STK32C: variants seen among roughly 807,000 people sequenced by gnomAD.
STK32C encodes the protein serine/threonine kinase 32C, also known as serine/threonine-protein kinase 32C.
A neutral mutation model predicts 56.5 loss-of-function variants in STK32C; 31 were observed. The observed-to-expected ratio is 0.55, with a 90% CI of 0.41 to 0.74. The LOEUF (loss-of-function observed/expected upper bound fraction) is 0.74. Ranked by LOEUF, STK32C falls within the 30% of genes least tolerant of loss-of-function variation. The probability of loss-of-function intolerance (pLI) is 0.00; values close to 1 mark genes in which losing one functional copy is unlikely to be tolerated. For synonymous variants in STK32C, 309 were observed against 289.4 expected (o/e 1.07, Z -0.69); for missense variants, 544 against 676.9 (o/e 0.80, Z 2.18).
At chr10:132,246,067 T>A in intron 1 of STK32C, 112 bp from the exon 2 acceptor site, 1 of 1,081,132 alleles carries the variant, frequency 9.2e-7, no homozygotes, top group Non-Finnish European at 1.4e-6. Context: ...CCCCTCATCC[T>A]AGAAGAGGGT....
chr10:132,257,365 G>C (rs1350577913), intron 1 of STK32C, among the ~76,000 whole-genome samples: 2 of 134,800 alleles, frequency 1.5e-5, no homozygotes, highest in African/African-American at 2.6e-5. Context: ...GGGAGACGGA[G>C]GGGCTCCTAG....
intron 1 of STK32C, among the ~76,000 whole-genome samples, chr10:132,266,133 T>C (rs923268029): frequency 5.9e-5 from 9 of 152,232 alleles, no homozygotes; most frequent in Admixed American, 5.9e-4. Context: ...TACGATGGAA[T>C]ACCACTAGGG....
chr10:132,217,153 GCAGAGC>G (rs2062498723), intron 10 of STK32C, among the ~76,000 whole-genome samples: 1 of 152,258 alleles, frequency 6.6e-6, no homozygotes, highest in African/African-American at 2.4e-5. Context: ...GCTGTACTCT[GCAGAGC>G]CACAAGGGCA....
intron 2 of STK32C, among the ~76,000 whole-genome samples, chr10:132,235,997 T>C (rs2063277429): frequency 1.3e-5 from 2 of 152,210 alleles, no homozygotes; most frequent in Non-Finnish European, 2.9e-5. Flanking sequence ...GCGAAGGTTG[T>C]GGCTGTAACA....
intron 1 of STK32C, chr10:132,331,415 A>T: frequency 6.3e-7 from 1 of 1,590,586 alleles, no homozygotes; most frequent in Non-Finnish European, 8.6e-7. Flanking sequence ...AATTCTCAAA[A>T]CCCTTCCTCA....
chr10:132,287,810 C>G (rs2065453708), intron 1 of STK32C, among the ~76,000 whole-genome samples: 1 of 152,044 alleles, frequency 6.6e-6, no homozygotes, highest in Non-Finnish European at 1.5e-5. Context: ...AGTTTCAGTG[C>G]AATCCCAATG....
At chr10:132,224,889 G>A (rs182090278) in intron 7 of STK32C, among the ~76,000 whole-genome samples, 49 of 152,266 alleles carry the variant, frequency 3.2e-4, no homozygotes, top group South Asian at 2.1e-3. Flanking sequence ...GACTGGCCTC[G>A]CCGTGGCCAC....
intron 1 of STK32C, among the ~76,000 whole-genome samples, chr10:132,265,912 G>A (rs1278933847): frequency 2.0e-5 from 3 of 152,206 alleles, no homozygotes; most frequent in Non-Finnish European, 2.9e-5. Context: ...AGGGGGTGCC[G>A]TGCACGGCCG....
chr10:132,318,291 GAA>G (rs1491348943), intron 1 of STK32C, among the ~76,000 whole-genome samples: 2 of 149,584 alleles, frequency 1.3e-5, no homozygotes, highest in Non-Finnish European at 3.0e-5. Flanking sequence ...GAGAGAGAGA[GAA>G]AGAAAACAAT....
chr10:132,308,765 G>A (rs1037562383), upstream of STK32C, among the ~76,000 whole-genome samples: 24 of 152,284 alleles, frequency 1.6e-4, no homozygotes, highest in Admixed American at 1.5e-3. Context: ...CTCGGCACTC[G>A]GCGTATTTCG....
intron 1 of STK32C, 108 bp from the exon 2 acceptor site, chr10:132,246,063 A>T (rs2063676661): frequency 8.9e-7 from 1 of 1,117,388 alleles, no homozygotes; most frequent in African/African-American, 1.5e-5. Context: ...AGGGCCCCTC[A>T]TCCTAGAAGA....
chr10:132,243,851 G>C (rs1211874680), intron 2 of STK32C, among the ~76,000 whole-genome samples: 2 of 152,148 alleles, frequency 1.3e-5, no homozygotes, highest in East Asian at 1.9e-4. Context: ...TGCTCTGCCA[G>C]GGGATCCCAC....
intron 10 of STK32C, among the ~76,000 whole-genome samples, chr10:132,212,153 T>C (rs897236648): frequency 6.6e-6 from 1 of 152,054 alleles, no homozygotes; most frequent in East Asian, 1.9e-4. Context: ...TCAAATAATG[T>C]CCAAAAAGAA....
Position 132,225,800 on chromosome 10 carries a change from A to G in STK32C, c.645-16T>C. 1 of 1,613,816 alleles carries G rather than the reference A, an allele frequency of 6.2e-7. No individual in the cohort carries two copies. Among genetic ancestry groups the G allele is most frequent in the Non-Finnish European group, 8.5e-7 (1 of 1,179,998 alleles). On this transcript the variant is annotated splice_polypyrimidine_tract_variant and intron_variant, in intron 4 of 11. Transcript: ENST00000298630. ...CTTGACATCTCTAGAAAGAGCAGAAAGTGGGAAGGTGAGTTGGGAATCTGC... is the reference window on the plus strand; with the variant it reads ...CTTGACATCTCTAGAAAGAGCAGAAGGTGGGAAGGTGAGTTGGGAATCTGC...
chr10:132,326,789 T>A (rs2066507927), intron 1 of STK32C, among the ~76,000 whole-genome samples: 1 of 152,190 alleles, frequency 6.6e-6, no homozygotes, highest in Non-Finnish European at 1.5e-5. Flanking sequence ...CACTCAGTCC[T>A]CCACTGCTGG....
chr10:132,241,559 C>T (rs937795926), intron 2 of STK32C, among the ~76,000 whole-genome samples: 3 of 152,148 alleles, frequency 2.0e-5, no homozygotes, highest in South Asian at 2.1e-4. Context: ...AATCTGAAAA[C>T]GTAACTCCTA....
intron 3 of STK32C, 125 bp from the exon 4 acceptor site, chr10:132,227,093 CAGG>C: frequency 8.7e-7 from 1 of 1,150,124 alleles, no homozygotes; most frequent in Non-Finnish European, 1.2e-6. Context: ...CAGGCATTCC[CAGG>C]AGGAGGGGCC....
chr10:132,326,338 CTA>C (rs2066499119), intron 1 of STK32C, among the ~76,000 whole-genome samples: 1 of 152,116 alleles, frequency 6.6e-6, no homozygotes. Flanking sequence ...CTTAAAACCT[CTA>C]TTTTATTTTT....
At chr10:132,294,453 A>G (rs1472820110) in intron 1 of STK32C, among the ~76,000 whole-genome samples, 5 of 152,068 alleles carry the variant, frequency 3.3e-5, no homozygotes, top group Admixed American at 2.0e-4. Flanking sequence ...GGAGTGAGTG[A>G]GTTTGAGTTT....
Sources: gnomAD v4.1 joint callset for allele counts (sites outside exome capture counted in the v4.1 genomes callset) on GRCh38, gnomAD v4.1.1 for gene constraint, MANE v1.5 for transcripts, NCBI Gene and HGNC (gene_info 2026-07-23, HGNC 2026-07-21) for gene names.